The following MAST4 variants were observed in gnomAD, a reference collection of about 807,000 sequenced individuals.
The protein encoded by MAST4 is microtubule associated serine/threonine kinase family member 4.
Under a neutral mutation model 162.7 loss-of-function variants are expected in MAST4, and 89 were observed. That is an observed-to-expected ratio of 0.55 (90% CI 0.46 to 0.65). The LOEUF (loss-of-function observed/expected upper bound fraction) is 0.65. Ranked by LOEUF, MAST4 falls within the 30% of genes least tolerant of loss-of-function variation. The pLI is 0.00. For synonymous variants in MAST4, 1,479 were observed against 1,361.1 expected (o/e 1.09, Z -1.91); for missense variants, 3,153 against 3,374.0 (o/e 0.93, Z 1.62).
intron 1 of MAST4, among the ~76,000 whole-genome samples, chr5:66,634,523 T>C (rs1247828108): frequency 6.6e-6 from 1 of 152,244 alleles, no homozygotes; most frequent in African/African-American, 2.4e-5. Flanking sequence ...AAATTCAGTC[T>C]TGTGCTCATC....
At chr5:66,737,387 G>A (rs1196049088) in intron 1 of MAST4, among the ~76,000 whole-genome samples, 3 of 152,152 alleles carry the variant, frequency 2.0e-5, no homozygotes, top group African/African-American at 2.4e-5. Flanking sequence ...GCCTCTTACA[G>A]TTGAGCCTCA....
rs552928798 is a variant in MAST4 at position 66,831,116 on chromosome 5, G to A, written c.642+42322G>A. 3.3e-5 allele frequency among the ~76,000 whole-genome samples: 5 copies of A among 152,212 alleles called. No homozygotes were observed. In the East Asian group the frequency reaches 9.7e-4, roughly 29 times the overall value. The stretch of plus-strand genomic sequence containing the variant: ...ATATAATAAATGTACTAGCATCTAG[G>A]AGGAACCCAATAAATATTGTTGAAA... On this transcript the variant is annotated intron_variant, in intron 3 of 28. Transcript: ENST00000403625.
chr5:66,765,402 G>T (rs1754048792), intron 2 of MAST4, among the ~76,000 whole-genome samples: 1 of 152,068 alleles, frequency 6.6e-6, no homozygotes, highest in South Asian at 2.1e-4. Context: ...ATCTCTGGGT[G>T]ATTTATATCA....
intron 7 of MAST4, among the ~76,000 whole-genome samples, chr5:67,099,689 T>C (rs1264178336): frequency 6.6e-6 from 1 of 152,190 alleles, no homozygotes; most frequent in Non-Finnish European, 1.5e-5. Flanking sequence ...TGTTTCAGAT[T>C]GATTAAAAGC....
intron 3 of MAST4, among the ~76,000 whole-genome samples, chr5:66,789,209 G>A (rs1393361893): frequency 1.3e-5 from 2 of 148,438 alleles, no homozygotes; most frequent in Admixed American, 6.7e-5. Context: ...ATGTGTGTAT[G>A]TGTACATACA....
intron 4 of MAST4, among the ~76,000 whole-genome samples, chr5:66,900,770 T>C (rs1762960374): frequency 6.6e-6 from 1 of 152,118 alleles, no homozygotes; most frequent in Admixed American, 6.6e-5. Context: ...CTTGGAGGAT[T>C]AGAAAAATAT....
At chr5:66,810,332 A>G (rs1756414862) in intron 3 of MAST4, among the ~76,000 whole-genome samples, 1 of 152,190 alleles carries the variant, frequency 6.6e-6, no homozygotes, top group South Asian at 2.1e-4. Flanking sequence ...TTGCAGGCCC[A>G]TGCTCCGTCC....
At chr5:66,675,845 G>T (rs1009443652) in intron 1 of MAST4, among the ~76,000 whole-genome samples, 1 of 152,182 alleles carries the variant, frequency 6.6e-6, no homozygotes, top group Non-Finnish European at 1.5e-5. Flanking sequence ...GATGAATAAA[G>T]AAGGAGCCAC....
intron 1 of MAST4, among the ~76,000 whole-genome samples, chr5:66,744,229 A>G (rs1489827392): frequency 6.6e-6 from 1 of 152,084 alleles, no homozygotes; most frequent in African/African-American, 2.4e-5. Flanking sequence ...GTCTTTCTGA[A>G]TGATTTCCAT....
At chr5:66,915,978 C>T (rs1042487784) in intron 4 of MAST4, among the ~76,000 whole-genome samples, 3 of 152,190 alleles carry the variant, frequency 2.0e-5, no homozygotes, top group East Asian at 3.8e-4. Flanking sequence ...CTTAGACCTG[C>T]GTTGTCCAGT....
intron 1 of MAST4, among the ~76,000 whole-genome samples, chr5:66,686,245 G>A (rs779440472): frequency 3.3e-5 from 5 of 152,138 alleles, no homozygotes; most frequent in Non-Finnish European, 7.4e-5. Context: ...CTCATAGGTG[G>A]CTGTAAGATT....
At chr5:67,111,434 A>G (rs566798418) in intron 11 of MAST4, among the ~76,000 whole-genome samples, 50 of 152,280 alleles carry the variant, frequency 3.3e-4, no homozygotes, top group African/African-American at 1.2e-3. Context: ...AAAGGTAGGG[A>G]GTTGGGAGGT....
rs575715961 is a variant in MAST4 at position 67,095,513 on chromosome 5, T to TTGA, written c.834-83_834-81dup. 20 of 1,019,156 alleles carry TTGA rather than the reference T, an allele frequency of 2.0e-5. No homozygotes were observed. In the South Asian group the frequency reaches 3.2e-4, roughly 16 times the overall value. The allele number at this position is 1,019,156 out of a possible 1,614,324, so 63.1% of individuals were successfully genotyped here. ...CACAGACTATGTTTGTGTCATTTGT[T>TTGA]TGACTAAAAATACTTAGTTTCCCTG... On this transcript the variant is annotated intron_variant, in intron 6 of 28. Transcript: ENST00000403625.
intron 19 of MAST4, among the ~76,000 whole-genome samples, chr5:67,139,745 A>ACGATGCTATCACC (rs1278742462): frequency 6.6e-6 from 1 of 152,228 alleles, no homozygotes; most frequent in Non-Finnish European, 1.5e-5. Context: ...TTTTTAGCTC[A>ACGATGCTATCACC]CGATGCTATC....
At position 66,934,799 on chromosome 5, in the gene MAST4, T is replaced by C. The variant is rs181618413; in HGVS notation, c.674+34817T>C. Among the ~76,000 whole-genome samples, 388 of 152,148 alleles carry C rather than the reference T, an allele frequency of 2.6e-3. 3 individuals are homozygous for C. Among genetic ancestry groups the C allele is most frequent in the African/African-American group, 8.9e-3 (371 of 41,534 alleles). ...GGCAGCAAAGGGGGAATTCAAAGGG[T>C]GGGGTGGCAGAGAATGTTGTCAAAC... On this transcript the variant is annotated intron_variant, in intron 4 of 28. Transcript: ENST00000403625.
intron 3 of MAST4, among the ~76,000 whole-genome samples, chr5:66,827,332 A>AAATC (rs1757314949): frequency 6.6e-6 from 1 of 152,232 alleles, no homozygotes; most frequent in African/African-American, 2.4e-5. Flanking sequence ...AAGTGGTATC[A>AAATC]AATCAACATG....
intron 4 of MAST4, among the ~76,000 whole-genome samples, chr5:66,907,295 G>T (rs1472403380): frequency 6.7e-6 from 1 of 149,480 alleles, no homozygotes; most frequent in Non-Finnish European, 1.5e-5. Context: ...CATTGCAAAG[G>T]GTGCAAACTT....
chr5:67,125,573 G>T (rs147729901), intron 14 of MAST4, among the ~76,000 whole-genome samples: 1 of 152,078 alleles, frequency 6.6e-6, no homozygotes, highest in Non-Finnish European at 1.5e-5. Flanking sequence ...CCCTGTAAAG[G>T]ACGTGAACTC....
At chr5:66,997,635 G>T (rs372300692) in intron 4 of MAST4, among the ~76,000 whole-genome samples, 11 of 151,948 alleles carry the variant, frequency 7.2e-5, no homozygotes, top group Admixed American at 3.3e-4. Flanking sequence ...GTTTCGCCAC[G>T]TTGGCCAGGC....
Sources: allele counts gnomAD v4.1 joint callset (sites outside exome capture counted in the v4.1 genomes callset), GRCh38; gene constraint gnomAD v4.1.1; transcripts MANE v1.5; gene names NCBI Gene and HGNC (gene_info 2026-07-23, HGNC 2026-07-21).